MCC: variants seen among roughly 807,000 people sequenced by gnomAD.
MCC encodes the protein MCC regulator of Wnt signaling pathway.
MCC carries 90 observed loss-of-function variants against 116.2 expected under a neutral mutation model. The ratio of observed to expected loss-of-function variants is 0.77; its 90% confidence interval spans 0.65 to 0.92. The LOEUF is 0.92. MCC is among the 40% of genes least tolerant of loss of function. The pLI is 0.00. For synonymous variants in MCC, 578 were observed against 510.5 expected, an observed-to-expected ratio of 1.13 and a Z score of -1.78; for missense variants, 1,516 against 1,312.2, an observed-to-expected ratio of 1.16 and a Z score of -2.40.
At chr5:113,237,628 C>T (rs1173202406) in intron 3 of MCC, among the ~76,000 whole-genome samples, 1 of 152,040 alleles carries the variant, frequency 6.6e-6, no homozygotes, top group Non-Finnish European at 1.5e-5. Context: ...GAAAACGGGC[C>T]GGCTGTATTT....
At chr5:113,220,286 C>T (rs1763500399) in intron 3 of MCC, among the ~76,000 whole-genome samples, 1 of 151,746 alleles carries the variant, frequency 6.6e-6, no homozygotes, top group African/African-American at 2.4e-5. Flanking sequence ...GTCTCGATCT[C>T]CTGACCTCAT....
chr5:113,037,597 G>C (rs981118546), intron 17 of MCC, among the ~76,000 whole-genome samples: 1 of 152,208 alleles, frequency 6.6e-6, no homozygotes, highest in Non-Finnish European at 1.5e-5. Flanking sequence ...GGAGGCTTAG[G>C]TGGGAGGACT....
intron 1 of MCC, among the ~76,000 whole-genome samples, chr5:113,485,481 C>T (rs348957): frequency 0.31 from 47,257 of 152,006 alleles, 7,771 homozygotes; most frequent in African/African-American, 0.36. Flanking sequence ...TGTAGTTTGA[C>T]CAATAAGATG....
chr5:113,278,504 G>C (rs1452175494), intron 3 of MCC, among the ~76,000 whole-genome samples: 1 of 152,182 alleles, frequency 6.6e-6, no homozygotes, highest in Non-Finnish European at 1.5e-5. Flanking sequence ...ACCTAGACCG[G>C]GGGTGGCAAC....
intron 3 of MCC, among the ~76,000 whole-genome samples, chr5:113,219,788 A>T (rs1172994721): frequency 6.6e-6 from 1 of 152,142 alleles, no homozygotes; most frequent in Non-Finnish European, 1.5e-5. Flanking sequence ...AGTGCTATAA[A>T]GAGAATATTG....
chr5:113,052,663 T>A (rs1355675462), intron 15 of MCC, among the ~76,000 whole-genome samples: 1 of 152,120 alleles, frequency 6.6e-6, no homozygotes, highest in Non-Finnish European at 1.5e-5. Flanking sequence ...GTTGTTTTTC[T>A]CCCTGCTGCG....
At chr5:113,127,318 G>A (rs1215597444) in intron 5 of MCC, among the ~76,000 whole-genome samples, 1 of 152,170 alleles carries the variant, frequency 6.6e-6, no homozygotes, top group African/African-American at 2.4e-5. Flanking sequence ...ACGTTTGCAT[G>A]CATGTGTCTT....
intron 1 of MCC, among the ~76,000 whole-genome samples, chr5:113,389,477 C>T (rs1769353519): frequency 2.0e-5 from 3 of 152,192 alleles, no homozygotes; most frequent in South Asian, 2.1e-4. Context: ...TCCATGCAGT[C>T]CTGGCAGCCT....
intron 2 of MCC, among the ~76,000 whole-genome samples, chr5:113,349,337 C>T (rs937840724): frequency 3.3e-5 from 5 of 151,972 alleles, no homozygotes; most frequent in African/African-American, 1.2e-4. Context: ...ACATGATAAA[C>T]TTCATTCATC....
chr5:113,151,645 T>C (rs558334593), intron 3 of MCC, among the ~76,000 whole-genome samples: 20 of 152,330 alleles, frequency 1.3e-4, no homozygotes, highest in Admixed American at 1.1e-3. Context: ...GTGTGGGACA[T>C]GGGACCTAAT....
chr5:113,288,455 T>C (rs918844199), intron 3 of MCC, among the ~76,000 whole-genome samples: 1 of 152,176 alleles, frequency 6.6e-6, no homozygotes, highest in African/African-American at 2.4e-5. Context: ...GAAGTCTCTC[T>C]CCCAACCCCC....
intron 3 of MCC, among the ~76,000 whole-genome samples, chr5:113,284,302 C>G (rs1766164319): frequency 6.6e-6 from 1 of 152,218 alleles, no homozygotes; most frequent in South Asian, 2.1e-4. Flanking sequence ...GACTGCATTA[C>G]TGTACTCCAG....
rs201684332 is a variant in MCC, at chr5:113,068,210, C to T, written c.1926-27G>A. Reference sequence around the variant, plus strand: ...TGAAACAAAGCACATGGGGCCTCAGCCCTTGCAGAGAACAGCGGACACCTT... The same window carrying T: ...TGAAACAAAGCACATGGGGCCTCAGTCCTTGCAGAGAACAGCGGACACCTT... On this transcript the variant is annotated intron_variant, in intron 12 of 18. Coordinates refer to ENST00000408903, the MANE Select transcript of MCC (RefSeq NM_001085377.2). The T allele has an allele frequency of 1.8e-5, 29 of 1,577,398 alleles. No homozygotes were observed. The Admixed American group carries it at 4.2e-4, about 23-fold the overall frequency.
At chr5:113,158,093 C>T (rs1175473769) in intron 3 of MCC, among the ~76,000 whole-genome samples, 1 of 152,192 alleles carries the variant, frequency 6.6e-6, no homozygotes, top group Non-Finnish European at 1.5e-5. Flanking sequence ...AATGCATCAG[C>T]CTACTCAAAA....
chr5:113,332,240 A>G (rs1767715894), intron 3 of MCC, among the ~76,000 whole-genome samples: 1 of 151,372 alleles, frequency 6.6e-6, no homozygotes, highest in Non-Finnish European at 1.5e-5. Context: ...GGGTGCAGGC[A>G]TGATCATAGC....
At chr5:113,468,987 T>C (rs899648474) in intron 1 of MCC, among the ~76,000 whole-genome samples, 6 of 152,232 alleles carry the variant, frequency 3.9e-5, no homozygotes, top group Non-Finnish European at 7.3e-5. Context: ...TTTATAGTAC[T>C]CTCTGATGGT....
At chr5:113,307,290 C>T (rs1421053887) in intron 3 of MCC, among the ~76,000 whole-genome samples, 1 of 152,164 alleles carries the variant, frequency 6.6e-6, no homozygotes, top group East Asian at 1.9e-4. Context: ...ACATAGGTGT[C>T]TTTTCGTTTA....
chr5:113,332,811 C>T (rs1767732426), intron 3 of MCC, among the ~76,000 whole-genome samples: 1 of 151,662 alleles, frequency 6.6e-6, no homozygotes, highest in South Asian at 2.1e-4. Context: ...AGATTCTAGA[C>T]TTCAATTAAT....
At chr5:113,264,916 C>T (rs1765365074) in intron 3 of MCC, among the ~76,000 whole-genome samples, 2 of 152,048 alleles carry the variant, frequency 1.3e-5, no homozygotes, top group Admixed American at 6.5e-5. Context: ...GTGGCACATG[C>T]CTGTAGTCCC....
Sources: allele counts gnomAD v4.1 joint callset (sites outside exome capture counted in the v4.1 genomes callset), GRCh38; gene constraint gnomAD v4.1.1; transcripts MANE v1.5; gene names NCBI Gene and HGNC (gene_info 2026-07-23, HGNC 2026-07-21).